Variants in VPS39 observed in about 807,000 individuals in gnomAD.
VPS39 encodes the protein VPS39 subunit of HOPS complex, also known as vam6/Vps39-like protein.
A neutral mutation model predicts 121.0 loss-of-function variants in VPS39; 70 were observed. That is an observed-to-expected ratio of 0.58 (90% confidence interval 0.48 to 0.71). VPS39 has a LOEUF of 0.71. Among genes scored for constraint, VPS39 ranks in the 30% least tolerant of loss-of-function variants. The pLI, the probability that VPS39 is intolerant of heterozygous loss-of-function variation, is 0.00. For missense variants in VPS39, 818 were observed against 1,051.5 expected, an observed-to-expected ratio of 0.78 and a Z score of 3.07; for synonymous variants, 378 against 398.1, an observed-to-expected ratio of 0.95 and a Z score of 0.60.
At chr15:42,190,707 C>A (rs1051347671) in intron 4 of VPS39, among the ~76,000 whole-genome samples, 3 of 152,158 alleles carry the variant, frequency 2.0e-5, no homozygotes, top group African/African-American at 7.2e-5. Context: ...ACAATATAGT[C>A]CCTCCCATTA....
intron 10 of VPS39, among the ~76,000 whole-genome samples, chr15:42,174,636 C>T (rs1355157153): frequency 6.6e-6 from 1 of 152,054 alleles, no homozygotes; most frequent in Admixed American, 6.6e-5. Context: ...AGTCTGAGTC[C>T]GGGGTCCAGG....
At chr15:42,198,225 A>G (rs2049985968) in intron 2 of VPS39, among the ~76,000 whole-genome samples, 1 of 152,234 alleles carries the variant, frequency 6.6e-6, no homozygotes, top group East Asian at 1.9e-4. Context: ...CAAAGCAGAG[A>G]GTCAAAAAAC....
Position 42,173,872 on chromosome 15 carries a change from T to A in VPS39, c.961-20A>T. ...CATTTCCTAATAACGGAGCAGAATATGTAAGAGTTCACTCACTCAACAAAT... is the reference window on the plus strand; with the variant it reads ...CATTTCCTAATAACGGAGCAGAATAAGTAAGAGTTCACTCACTCAACAAAT... On this transcript the variant is annotated intron_variant, in intron 10 of 24. Transcript: ENST00000318006. The A allele has an allele frequency of 6.2e-7, 1 of 1,613,556 alleles. No homozygotes were observed. Among genetic ancestry groups the A allele is most frequent in the Non-Finnish European group, 8.5e-7 (1 of 1,179,638 alleles).
intron 17 of VPS39, chr15:42,165,326 T>A: frequency 1.7e-6 from 1 of 581,168 alleles, no homozygotes; most frequent in Non-Finnish European, 3.0e-6. Flanking sequence ...ATTACTAAAC[T>A]CCATTTTACT....
intron 7 of VPS39, among the ~76,000 whole-genome samples, chr15:42,185,137 G>A (rs2049673198): frequency 6.6e-6 from 1 of 150,728 alleles, no homozygotes; most frequent in African/African-American, 2.4e-5. Flanking sequence ...GTATGCAAAT[G>A]TCTTAGATGC....
intron 12 of VPS39, among the ~76,000 whole-genome samples, chr15:42,167,769 TA>T (rs1163265012): frequency 6.6e-6 from 1 of 152,138 alleles, no homozygotes; most frequent in African/African-American, 2.4e-5. Context: ...ATCTTAAACC[TA>T]AAACAAGTGC....
chr15:42,175,750 TC>T (rs1168069939), intron 10 of VPS39, among the ~76,000 whole-genome samples: 1 of 151,818 alleles, frequency 6.6e-6, no homozygotes, highest in Non-Finnish European at 1.5e-5. Context: ...TCTAGCTGAG[TC>T]CCAAACACTT....
rs957181834 is a variant in VPS39 at position 42,189,270 on chromosome 15, C to G, written c.248-62G>C. Reference sequence around the variant, plus strand: ...CATAATTCTCTAGCATAGCCACTATCGAGGCAAAAAAAGTAACTGTGTTAA... The same window carrying G: ...CATAATTCTCTAGCATAGCCACTATGGAGGCAAAAAAAGTAACTGTGTTAA... On this transcript the variant is annotated intron_variant, in intron 4 of 24. Coordinates refer to ENST00000318006, the MANE Select transcript of VPS39 (RefSeq NM_015289.5). 4.1e-5 allele frequency: 56 copies of G among 1,377,922 alleles called. No individual in the cohort carries two copies. The highest frequency in any genetic ancestry group is 2.3e-5 in the East Asian group (1 of 43,338). 85.4% of individuals were successfully genotyped at this position (1,377,922 alleles called of 1,614,324 possible).
chr15:42,172,515 AC>A (rs2049366164), intron 11 of VPS39, among the ~76,000 whole-genome samples: 1 of 152,254 alleles, frequency 6.6e-6, no homozygotes, highest in Non-Finnish European at 1.5e-5. Context: ...GATTACTGTT[AC>A]TTTAAGCCAT....
intron 1 of VPS39, among the ~76,000 whole-genome samples, chr15:42,200,423 T>C (rs2050043240): frequency 6.6e-6 from 1 of 152,136 alleles, no homozygotes; most frequent in Non-Finnish European, 1.5e-5. Context: ...TGAAACCAGG[T>C]ATCCAACCTC....
At chr15:42,175,343 G>A (rs957031495) in intron 10 of VPS39, among the ~76,000 whole-genome samples, 3 of 151,742 alleles carry the variant, frequency 2.0e-5, no homozygotes, top group African/African-American at 7.3e-5. Flanking sequence ...GGGAGGCGGA[G>A]GTTGCAGCGA....
intron 5 of VPS39, among the ~76,000 whole-genome samples, chr15:42,188,333 T>C (rs2049747487): frequency 6.6e-6 from 1 of 152,000 alleles, no homozygotes; most frequent in Non-Finnish European, 1.5e-5. Context: ...TAAAAAATGG[T>C]AAGTTGAGTA....
At chr15:42,196,464 C>T (rs1009739261) in intron 2 of VPS39, among the ~76,000 whole-genome samples, 1 of 152,066 alleles carries the variant, frequency 6.6e-6, no homozygotes, top group Non-Finnish European at 1.5e-5. Flanking sequence ...AGAAATCAAA[C>T]TTACAAGAAA....
chr15:42,170,921 A>C (rs2049336466), intron 11 of VPS39, among the ~76,000 whole-genome samples: 1 of 151,924 alleles, frequency 6.6e-6, no homozygotes, highest in Non-Finnish European at 1.5e-5. Flanking sequence ...TTTTGTAAAG[A>C]CAAGGTCTCA....
At chr15:42,164,593 G>A (rs913908923) in intron 18 of VPS39, 107 bp from the exon 19 acceptor site, 63 of 1,493,252 alleles carry the variant, frequency 4.2e-5, no homozygotes, top group Non-Finnish European at 5.3e-5. Context: ...CACATGACCA[G>A]AAAGGGCCTC....
chr15:42,178,178 G>T, intron 10 of VPS39, 40 bp downstream of exon 10: 1 of 1,610,008 alleles, frequency 6.2e-7, no homozygotes, highest in Non-Finnish European at 8.5e-7. Flanking sequence ...CTACTTTCAA[G>T]AACAATAAGG....
chr15:42,161,173 T>C (rs1218236639), intron 24 of VPS39: 2 of 347,008 alleles, frequency 5.8e-6, no homozygotes, highest in African/African-American at 4.1e-5. Context: ...TCAGGCTAAT[T>C]CTGAAAAGGA....
At chr15:42,168,839 G>A (rs1595646608) in intron 12 of VPS39, among the ~76,000 whole-genome samples, 1 of 152,014 alleles carries the variant, frequency 6.6e-6, no homozygotes, top group African/African-American at 2.4e-5. Context: ...CACCACACCC[G>A]GCCAACAGCA....
At chr15:42,194,902 C>A (rs901202757) in intron 2 of VPS39, among the ~76,000 whole-genome samples, 4 of 151,318 alleles carry the variant, frequency 2.6e-5, no homozygotes, top group Non-Finnish European at 4.4e-5. Context: ...AATTACCATT[C>A]CTTTTGCACC....
Sources: gnomAD v4.1 joint callset for allele counts (sites outside exome capture counted in the v4.1 genomes callset) on GRCh38, gnomAD v4.1.1 for gene constraint, MANE v1.5 for transcripts, NCBI Gene and HGNC (gene_info 2026-07-23, HGNC 2026-07-21) for gene names.